Variants in HSPG2 observed in about 807,000 individuals in gnomAD.
The protein encoded by HSPG2 is heparan sulfate proteoglycan 2.
HSPG2 carries 278 observed loss-of-function variants against 526.6 expected under a neutral mutation model. The observed-to-expected ratio is 0.53, with a 90% CI of 0.48 to 0.58. The LOEUF is 0.58. Among genes scored for constraint, HSPG2 ranks in the 20% least tolerant of loss-of-function variants. The probability of loss-of-function intolerance (pLI) is 0.00; values close to 1 mark genes in which losing one functional copy is unlikely to be tolerated. For synonymous variants in HSPG2, 2,465 were observed against 2,555.4 expected (o/e 0.96, Z 1.07); for missense variants, 5,354 against 6,099.5 (o/e 0.88, Z 4.07).
chr1:21,854,373 G>A (rs1021977705), intron 49 of HSPG2, 30 bp from the exon 50 acceptor site: 1 of 1,556,490 alleles, frequency 6.4e-7, no homozygotes, highest in South Asian at 1.2e-5. Flanking sequence ...AGGTACGTGA[G>A]GACAGGGACG....
In HSPG2 at chr1:21,842,121, G is replaced by A. The variant is rs1354168373; in HGVS notation, c.9074C>T (p.Ser3025Phe). 1.2e-6 allele frequency: 2 copies of A among 1,613,634 alleles called. No individual in the cohort carries two copies. Among genetic ancestry groups the A allele is most frequent in the Non-Finnish European group, 1.7e-6 (2 of 1,180,028 alleles). ...CACGGTGCTGCTGGGCGGGTCGATG[G>A]AGATGACCGGGCTCCTAAGGCCTGG... ...SSYRLRSPVI[S>F]IDPPSSTVQQ... The change falls in exon 69 of 97, where the codon TCC becomes TTC. Residue 3025 changes from serine (S) to phenylalanine (F), a missense_variant. Ser to Phe is a radical substitution (Grantham distance 155). Coordinates refer to ENST00000374695, the MANE Select transcript of HSPG2 (RefSeq NM_005529.7).
chr1:21,850,634 G>T (rs1022820342), intron 55 of HSPG2, 136 bp from the exon 56 acceptor site: 16 of 1,040,658 alleles, frequency 1.5e-5, no homozygotes, highest in Non-Finnish European at 2.2e-5. Context: ...ACATGGGGAA[G>T]GGGGACTCTT....
In HSPG2 at chr1:21,851,905, T is replaced by C. The variant is rs769821500; in HGVS notation, c.6892A>G (p.Ile2298Val). The C allele has an allele frequency of 3.7e-6, 6 of 1,608,686 alleles. No individual in the cohort carries two copies. Among genetic ancestry groups the C allele is most frequent in the South Asian group, 3.3e-5 (3 of 90,750 alleles). Residue 2298 changes from isoleucine (I) to valine (V), a missense_variant, in exon 54 of 97, where the codon ATC (isoleucine) becomes GTC (valine). Transcript: ENST00000374695. ...GCATCGGCAGGTGAGGCCTGGAAGA[T>C]GTACAGGCGGGAGCCACGAACCTGG... is the stretch of plus-strand genomic sequence containing the variant. ...RHQVRGSRLY[I>V]FQASPADAGQ... is the part of the protein sequence containing the mutation.
chr1:21,872,254 C>G lies in HSPG2; in HGVS notation c.4153G>C (p.Gly1385Arg), dbSNP rs1433628522. 6.4e-7 allele frequency: 1 copy of G among 1,554,048 alleles called. No individual in the cohort carries two copies. The highest frequency in any genetic ancestry group is 2.0e-5 in the Admixed American group (1 of 51,280). ...TCATGGCCGAGTTGGGCAAAGTTGC[C>G]AAAAGAGAGCTGGGCACCCTCGGGC... ...PVPEGAQLSF[G>R]NFAQLGHESF... The change falls in exon 33 of 97, where the codon GGC (glycine) becomes CGC (arginine). Residue 1385 changes from glycine (G) to arginine (R), a missense_variant. Physicochemically the swap from Gly to Arg is moderately radical, Grantham distance 125. Transcript: ENST00000374695. The surrounding 1 kb of genome is among the most constrained non-coding windows in gnomAD (Gnocchi z 5.5).
In HSPG2 at chr1:21,896,310, C is replaced by A; in HGVS notation, c.64G>T (p.Val22Leu). The change falls in exon 2 of 97, where the codon GTG (valine) becomes TTG (leucine). Residue 22 changes from valine to leucine, a missense_variant and splice_region_variant. Coordinates refer to ENST00000374695, the MANE Select transcript of HSPG2 (RefSeq NM_005529.7). ...ALLLHGRLLA[V>L]THGLRAYDGL... ...TCGTATGCCCTCAGCCCATGGGTCA[C>A]CTGTAAGCAAACGAGAGCTGATTGA... 1 of 1,613,040 alleles carries A rather than the reference C, an allele frequency of 6.2e-7. No individual in the cohort carries two copies. The highest frequency in any genetic ancestry group is 8.5e-7 in the Non-Finnish European group (1 of 1,180,014).
At position 21,859,764 on chromosome 1, in the gene HSPG2, C is replaced by T; in HGVS notation, c.5182+71G>A. On this transcript the variant is annotated intron_variant, in intron 41 of 96. Coordinates refer to ENST00000374695, the MANE Select transcript of HSPG2 (RefSeq NM_005529.7). The surrounding 1 kb of genome is among the most constrained non-coding windows in gnomAD (Gnocchi z 5.3). ...GCACAAGGACAGCATCCCACTAGGG[C>T]AGGGACAGGCCCCTGCCTCCCCTCC... is the stretch of plus-strand genomic sequence containing the variant. 1.3e-6 allele frequency: 2 copies of T among 1,592,362 alleles called. No homozygotes were observed. Among genetic ancestry groups the T allele is most frequent in the South Asian group, 2.3e-5 (2 of 88,230 alleles).
In HSPG2 at chr1:21,880,471, G is replaced by A; in HGVS notation, c.2087C>T (p.Thr696Ile). ...LQSLEAVLIQ[T>I]VYNTKMASVG... ...GCTGGCCATCTTGGTGTTGTACACG[G>A]TCTGGATGAGCACGGCCTCCAGGCT... is the stretch of plus-strand genomic sequence containing the variant. Residue 696 changes from threonine (T) to isoleucine (I), a missense_variant, in exon 16 of 97, where the codon ACC becomes ATC. Physicochemically the swap from Thr to Ile is moderately conservative, Grantham distance 89. Coordinates refer to ENST00000374695, the MANE Select transcript of HSPG2 (RefSeq NM_005529.7). 6.2e-7 allele frequency: 1 copy of A among 1,613,880 alleles called. No homozygotes were observed. Among genetic ancestry groups the A allele is most frequent in the Non-Finnish European group, 8.5e-7 (1 of 1,179,976 alleles).
At chr1:21,868,183 C>T (rs1025157367) in intron 33 of HSPG2, among the ~76,000 whole-genome samples, 43 of 150,154 alleles carry the variant, frequency 2.9e-4, no homozygotes, top group Admixed American at 1.5e-3. Flanking sequence ...AGATTACAGG[C>T]ACCCGCCACC....
rs201958429 is a variant in HSPG2, at chr1:21,841,202, C to G, written c.9412G>C (p.Gly3138Arg). The G allele has an allele frequency of 1.9e-6, 3 of 1,613,850 alleles. No homozygotes were observed. Among genetic ancestry groups the G allele is most frequent in the South Asian group, 1.1e-5 (1 of 91,082 alleles). Reference sequence around the variant, plus strand: ...CAACGAGCAGAGGAGCGGGGCTCCCCGGCACTGACACACTCCAGGGTGACA... The same window carrying G: ...CAACGAGCAGAGGAGCGGGGCTCCCGGGCACTGACACACTCCAGGGTGACA... The part of the protein sequence containing the change: ...KAVTLECVSA[G>R]EPRSSARWTR... The change falls in exon 71 of 97, where the codon GGG becomes CGG. Residue 3138 changes from glycine to arginine, a missense_variant. Transcript: ENST00000374695.
chr1:21,894,979 C>A (rs561645675), intron 3 of HSPG2, among the ~76,000 whole-genome samples: 1 of 152,334 alleles, frequency 6.6e-6, no homozygotes, highest in Admixed American at 6.5e-5. Context: ...GTGACCTACC[C>A]TCCTGTCTAC....
intron 62 of HSPG2, among the ~76,000 whole-genome samples, chr1:21,846,987 G>A (rs907195028): frequency 1.3e-5 from 2 of 151,368 alleles, no homozygotes; most frequent in East Asian, 1.9e-4. Flanking sequence ...GTGACAGAGC[G>A]AGACTCCCTC....
At chr1:21,880,873 G>T (rs1318039188) in intron 14 of HSPG2, 38 bp from the exon 15 acceptor site, 1 of 1,560,070 alleles carries the variant, frequency 6.4e-7, no homozygotes, top group Non-Finnish European at 8.7e-7. Flanking sequence ...GCAGCTGTGG[G>T]CACACTTGAC....
intron 57 of HSPG2, among the ~76,000 whole-genome samples, chr1:21,849,234 G>T (rs1638697446): frequency 6.6e-6 from 1 of 152,232 alleles, no homozygotes; most frequent in South Asian, 2.1e-4. Flanking sequence ...CCCATGCCAG[G>T]GACGACTGAG....
chr1:21,869,692 G>A (rs544336406), intron 33 of HSPG2: 1 of 986,144 alleles, frequency 1.0e-6, no homozygotes, highest in East Asian at 1.1e-4. Context: ...AAGAGCGGCA[G>A]AAGGGAGCAG....
Position 21,888,596 on chromosome 1 carries a change from G to A in HSPG2, c.575-530C>T, listed in dbSNP as rs533269935. The A allele has an allele frequency of 2.2e-5, 26 of 1,176,616 alleles. No homozygotes were observed. The South Asian group carries it at 2.3e-4, about 10-fold the overall frequency. 72.9% of individuals were successfully genotyped at this position (1,176,616 alleles called of 1,614,324 possible). A position where few individuals can be genotyped will look rare whatever the true frequency, so the allele number is the denominator to read the frequency against. ...GCTGGGGTTACAGGCGTGAGCCCCT[G>A]CACCCGGCCTCCTCTCCAACCTTAA... On this transcript the variant is annotated intron_variant, in intron 6 of 96. Coordinates refer to ENST00000374695, the MANE Select transcript of HSPG2 (RefSeq NM_005529.7).
chr1:21,843,037 G>A (rs1188897760), intron 66 of HSPG2, 116 bp from the exon 67 acceptor site: 3 of 1,227,954 alleles, frequency 2.4e-6, no homozygotes, highest in African/African-American at 1.5e-5. Flanking sequence ...TGGCTTGAGA[G>A]TGGCTGATAT....
chr1:21,906,418 C>T (rs998114275), intron 1 of HSPG2, among the ~76,000 whole-genome samples: 2 of 152,232 alleles, frequency 1.3e-5, no homozygotes, highest in Non-Finnish European at 2.9e-5. Flanking sequence ...GCAGCTGTGG[C>T]CAAGGAGGTC....
At chr1:21,907,624 C>G (rs1643447090) in intron 1 of HSPG2, among the ~76,000 whole-genome samples, 1 of 152,178 alleles carries the variant, frequency 6.6e-6, no homozygotes. Flanking sequence ...CTCAAGATAT[C>G]CTCCTGCCTC....
chr1:21,867,193 C>T (rs780391359), intron 33 of HSPG2, among the ~76,000 whole-genome samples: 82 of 144,494 alleles, frequency 5.7e-4, no homozygotes, highest in Non-Finnish European at 8.8e-4. Context: ...TGGACTCAAG[C>T]GATTGTCCTG....
Sources: gnomAD v4.1 joint callset for allele counts (sites outside exome capture counted in the v4.1 genomes callset) on GRCh38, gnomAD v4.1.1 for gene constraint, Gnocchi (gnomAD v3.1) non-coding constraint, MANE v1.5 for transcripts, NCBI Gene and HGNC (gene_info 2026-07-23, HGNC 2026-07-21) for gene names.